Variants in LINGO3 observed in about 807,000 individuals in gnomAD.
LINGO3 encodes the protein leucine-rich repeat and immunoglobulin-like domain-containing nogo receptor-interacting protein 3.
For missense variants in LINGO3, 750 were observed against 867.7 expected (o/e 0.86, Z 1.70); for synonymous variants, 427 against 444.2 (o/e 0.96, Z 0.49).
exon 1 of LINGO3, chr19:2,291,541 G>A (rs766862011): frequency 3.7e-6 from 6 of 1,600,232 alleles, no homozygotes; most frequent in Non-Finnish European, 5.1e-6. Context: ...CTCCTCCAGC[G>A]CGGGCAGCGC....
the LINGO3 span, among the ~76,000 whole-genome samples, chr19:2,297,269 C>T: frequency 6.6e-6 from 1 of 150,800 alleles, no homozygotes; most frequent in Non-Finnish European, 1.5e-5. Context: ...CTGCTCTGCT[C>T]CCCCAGGACC....
At chr19:2,307,965 G>C in the LINGO3 span, among the ~76,000 whole-genome samples, 1 of 152,010 alleles carries the variant, frequency 6.6e-6, no homozygotes, top group African/African-American at 2.4e-5. Flanking sequence ...TCCCCCGGCT[G>C]AGGATGGGGT....
upstream of LINGO3, among the ~76,000 whole-genome samples, chr19:2,296,693 G>A (rs1199047438): frequency 1.3e-5 from 2 of 151,812 alleles, no homozygotes; most frequent in African/African-American, 2.4e-5. Flanking sequence ...GGGCCAGGTT[G>A]GTTTCGAACT....
upstream of LINGO3, among the ~76,000 whole-genome samples, chr19:2,295,097 G>A (rs952590374): frequency 1.3e-5 from 2 of 152,106 alleles, no homozygotes; most frequent in African/African-American, 4.8e-5. Context: ...CAGACGCGGA[G>A]CCCCGGGAGA....
At chr19:2,297,663 G>A in the LINGO3 span, among the ~76,000 whole-genome samples, 1 of 144,436 alleles carries the variant, frequency 6.9e-6, no homozygotes, top group Non-Finnish European at 1.5e-5. Flanking sequence ...GGAGTGCAAT[G>A]GCACGATCTC....
the LINGO3 span, among the ~76,000 whole-genome samples, chr19:2,301,821 G>C: frequency 1.3e-5 from 2 of 151,318 alleles, no homozygotes; most frequent in African/African-American, 2.4e-5. Context: ...CCAGCTACTT[G>C]GGAGGCTGAG....
the LINGO3 span, among the ~76,000 whole-genome samples, chr19:2,305,452 A>T: frequency 6.6e-6 from 1 of 151,840 alleles, no homozygotes; most frequent in African/African-American, 2.4e-5. Flanking sequence ...AGGTGGCCCT[A>T]CCCTCTTGGT....
At chr19:2,303,361 G>T in the LINGO3 span, among the ~76,000 whole-genome samples, 2 of 152,160 alleles carry the variant, frequency 1.3e-5, no homozygotes, top group Non-Finnish European at 2.9e-5. Flanking sequence ...AGCTGTGGGG[G>T]GGGGGGTCTG....
At chr19:2,291,221 G>A (rs893831288) in exon 1 of LINGO3, 48 of 1,611,108 alleles carry the variant, frequency 3.0e-5, no homozygotes, top group Non-Finnish European at 4.0e-5. Flanking sequence ...AGAGCCGTGA[G>A]GTTGCAGCGC....
At chr19:2,307,104 C>A in the LINGO3 span, among the ~76,000 whole-genome samples, 1 of 152,192 alleles carries the variant, frequency 6.6e-6, no homozygotes, top group Non-Finnish European at 1.5e-5. Flanking sequence ...AGGCTCCCCC[C>A]AGCCAAGCCC....
chr19:2,293,087 C>CG (rs2025541979), upstream of LINGO3, among the ~76,000 whole-genome samples: 3 of 121,172 alleles, frequency 2.5e-5, no homozygotes, highest in Admixed American at 2.5e-4. Flanking sequence ...CTTTTTGAGA[C>CG]GGAGTCTTGC....
At chr19:2,291,328 T>C in exon 1 of LINGO3, 1 of 1,613,064 alleles carries the variant, frequency 6.2e-7, no homozygotes, top group Non-Finnish European at 8.5e-7. Context: ...GCGCAGGCTG[T>C]GCAGGTCCTG....
chr19:2,306,988 G>A, the LINGO3 span, among the ~76,000 whole-genome samples: 5 of 152,002 alleles, frequency 3.3e-5, no homozygotes, highest in African/African-American at 1.2e-4. Context: ...TCCAGCCTGC[G>A]TCCTCCACCT....
chr19:2,290,259 G>C lies in LINGO3; in HGVS notation c.1518C>G (p.Thr506=). The C allele has an allele frequency of 6.2e-7, 1 of 1,600,778 alleles. No homozygotes were observed. Among genetic ancestry groups the C allele is most frequent in the Non-Finnish European group, 8.5e-7 (1 of 1,177,156 alleles). Residue 506 remains threonine (T), a synonymous_variant, in exon 1 of 1, where the codon ACC becomes ACG. Coordinates refer to ENST00000585527, the Ensembl canonical transcript of LINGO3. This position sits in a 1 kb window ranked among gnomAD's most constrained non-coding sequence, Gnocchi z 6.0. The stretch of plus-strand genomic sequence containing the variant: ...GCGTCTCGTTGTGGGCCTCGCCCGG[G>C]GTCCGGTTGGCGGCCGGCTCGGGGC...
chr19:2,291,969 T>A (rs773419299), exon 1 of LINGO3: 7 of 613,280 alleles, frequency 1.1e-5, no homozygotes, highest in Non-Finnish European at 1.8e-5. Context: ...GAAGAATTGC[T>A]TGAGTTCAAG....
At chr19:2,294,495 G>C (rs1190366030), upstream of LINGO3, among the ~76,000 whole-genome samples, 14 of 152,208 alleles carry the variant, frequency 9.2e-5, no homozygotes, top group Admixed American at 9.2e-4. This position sits in a 1 kb window ranked among gnomAD's most constrained non-coding sequence, Gnocchi z 4.3. Context: ...CGACCCAAAA[G>C]TTGAACAGAG....
upstream of LINGO3, among the ~76,000 whole-genome samples, chr19:2,292,260 T>A: frequency 6.6e-6 from 1 of 151,224 alleles, no homozygotes; most frequent in Admixed American, 6.6e-5. Flanking sequence ...TACCCAGGCA[T>A]GGTGGCCTGC....
chr19:2,296,226 C>G (rs2025570449), upstream of LINGO3, among the ~76,000 whole-genome samples: 1 of 152,148 alleles, frequency 6.6e-6, no homozygotes, highest in African/African-American at 2.4e-5. Context: ...GCCCCCCGAC[C>G]CTGCACCTCC....
At chr19:2,301,591 G>A in the LINGO3 span, among the ~76,000 whole-genome samples, 2 of 152,236 alleles carry the variant, frequency 1.3e-5, no homozygotes, top group African/African-American at 2.4e-5. Context: ...AGAGACGGAC[G>A]GCGACGTGCT....
Sources: allele counts gnomAD v4.1 joint callset (sites outside exome capture counted in the v4.1 genomes callset), GRCh38; gene constraint gnomAD v4.1.1; non-coding constraint Gnocchi (gnomAD v3.1); transcripts MANE v1.5; gene names NCBI Gene and HGNC (gene_info 2026-07-23, HGNC 2026-07-21).